The following COL16A1 variants were observed in gnomAD, a reference collection of about 807,000 sequenced individuals.
The protein encoded by COL16A1 is collagen alpha-1(XVI) chain.
A neutral mutation model predicts 266.3 loss-of-function variants in COL16A1; 189 were observed. The ratio of observed to expected loss-of-function variants is 0.71; its 90% CI spans 0.63 to 0.80. The LOEUF is 0.80. Ranked by LOEUF, COL16A1 falls within the 30% of genes least tolerant of loss-of-function variation. COL16A1 has a pLI of 0.00. For synonymous variants in COL16A1, 740 were observed against 782.3 expected, an observed-to-expected ratio of 0.95 and a Z score of 0.90; for missense variants, 1,928 against 2,122.4, an observed-to-expected ratio of 0.91 and a Z score of 1.80.
chr1:31,657,968 A>C lies in COL16A1; in HGVS notation c.4020+520T>G, dbSNP rs1479638811. ...CCGTTTCCTCATCTGTAAAATGGGG[A>C]CAATCAGATCCACTAAATGGGGCTG... On this transcript the variant is annotated intron_variant, in intron 64 of 70. Coordinates refer to ENST00000373672, the MANE Select transcript of COL16A1 (RefSeq NM_001856.4). This position sits in a 1 kb window ranked among gnomAD's most constrained non-coding sequence, Gnocchi z 6.4. Among the ~76,000 whole-genome samples, 3 of 152,160 alleles carry C rather than the reference A, an allele frequency of 2.0e-5. No homozygotes were observed. The highest frequency in any genetic ancestry group is 4.4e-5 in the Non-Finnish European group (3 of 68,028).
In COL16A1 at chr1:31,664,172, A is replaced by C. The variant is rs1272194787; in HGVS notation, c.3555+1000T>G. Among the ~76,000 whole-genome samples the C allele has an allele frequency of 2.5e-5, 3 of 119,010 alleles. No homozygotes were observed. Among genetic ancestry groups the C allele is most frequent in the South Asian group, 3.0e-4 (1 of 3,296 alleles). The allele number at this position is 119,010 out of a possible 152,430, so 78.1% of individuals were successfully genotyped here. A position where few individuals can be genotyped will look rare whatever the true frequency, so the allele number is the denominator to read the frequency against. On this transcript the variant is annotated intron_variant, in intron 56 of 70. Coordinates refer to ENST00000373672, the MANE Select transcript of COL16A1 (RefSeq NM_001856.4). This position sits in a 1 kb window ranked among gnomAD's most constrained non-coding sequence, Gnocchi z 5.5. ...GGGAGGGGAAGGAAGGGGAAGGGGAAGGGGAAGGGGAAGGGGAAGGGGAAG... is the reference window on the plus strand; with the variant it reads ...GGGAGGGGAAGGAAGGGGAAGGGGACGGGGAAGGGGAAGGGGAAGGGGAAG...
At chr1:31,690,600 G>A in intron 20 of COL16A1, 27 bp from the exon 21 acceptor site, 1 of 1,611,834 alleles carries the variant, frequency 6.2e-7, no homozygotes, top group Non-Finnish European at 8.5e-7. Flanking sequence ...GGATAAGCGG[G>A]GAGCCTTCTG....
At position 31,675,045 on chromosome 1, in the gene COL16A1, A is replaced by AG; in HGVS notation, c.2827-7dup. Reference sequence around the variant, plus strand: ...TGTTCAATTGGTAAGGATCCCTGCAAGAGACAGATGTGTGGGCTCAAGCAG... The same window carrying AG: ...TGTTCAATTGGTAAGGATCCCTGCAAGGAGACAGATGTGTGGGCTCAAGCAG... On this transcript the variant is annotated splice_region_variant and splice_polypyrimidine_tract_variant and intron_variant, in intron 43 of 70. Coordinates refer to ENST00000373672, the MANE Select transcript of COL16A1 (RefSeq NM_001856.4). The AG allele has an allele frequency of 1.2e-6, 2 of 1,613,292 alleles. No homozygotes were observed. The highest frequency in any genetic ancestry group is 8.5e-7 in the Non-Finnish European group (1 of 1,179,632).
intron 51 of COL16A1, 74 bp from the exon 52 acceptor site, chr1:31,667,702 A>G (rs1291204459): frequency 2.1e-6 from 3 of 1,399,410 alleles, no homozygotes; most frequent in East Asian, 4.9e-5. Context: ...CGAGGAGCGG[A>G]GACTGCAGCT....
At position 31,662,629 on chromosome 1, in the gene COL16A1, G is replaced by A; in HGVS notation, c.3585C>T (p.Gly1195=). The A allele has an allele frequency of 6.4e-7, 1 of 1,556,402 alleles. No homozygotes were observed. The highest frequency in any genetic ancestry group is 8.7e-7 in the Non-Finnish European group (1 of 1,151,026). Residue 1195 remains glycine, a synonymous_variant, in exon 57 of 71, where the codon GGC becomes GGT. Transcript: ENST00000373672. ...KGSEGIRGPS[G]LPGSPGPPGP... is the part of the protein sequence containing the mutation. The stretch of plus-strand genomic sequence containing the variant: ...CCGGTGGCCCAGGGGAGCCAGGCAG[G>A]CCTGATGGGCCTCGAATCCCTTCGC...
rs762190190 is a variant in COL16A1, at chr1:31,654,028, T to C, written c.4373A>G (p.Tyr1458Cys). The C allele has an allele frequency of 3.1e-6, 5 of 1,613,692 alleles. No individual in the cohort carries two copies. Among genetic ancestry groups the C allele is most frequent in the East Asian group, 2.2e-5 (1 of 44,872 alleles). ...CATGGGGAACTGCATCCTGGAGGTGTAGTAAGCCATTCTCTCTGTAAAAAA... is the reference window on the plus strand; with the variant it reads ...CATGGGGAACTGCATCCTGGAGGTGCAGTAAGCCATTCTCTCTGTAAAAAA... ...IKMFDERMAY[Y>C]TSRMQFPMEM... is the part of the protein sequence containing the mutation. Residue 1458 changes from tyrosine to cysteine, a missense_variant, in exon 69 of 71, where the codon TAC (tyrosine) becomes TGC (cysteine). Tyr to Cys is a radical substitution (Grantham distance 194, BLOSUM62 -2). Coordinates refer to ENST00000373672, the MANE Select transcript of COL16A1 (RefSeq NM_001856.4).
At chr1:31,692,955 T>C (rs746105476) in intron 13 of COL16A1, 137 bp downstream of exon 13, 1 of 959,450 alleles carries the variant, frequency 1.0e-6, no homozygotes, top group Non-Finnish European at 1.6e-6. Flanking sequence ...AGAAAGACCC[T>C]GGCCCTCACC....
intron 2 of COL16A1, chr1:31,701,241 G>T: frequency 3.3e-6 from 3 of 909,106 alleles, no homozygotes; most frequent in Non-Finnish European, 3.9e-6. Flanking sequence ...TCACCCCTTG[G>T]CAATGGGCCC....
Position 31,685,625 on chromosome 1 carries a change from A to G in COL16A1, c.2016+14T>C. 2 of 1,612,486 alleles carry G rather than the reference A, an allele frequency of 1.2e-6. No individual in the cohort carries two copies. Among genetic ancestry groups the G allele is most frequent in the Non-Finnish European group, 1.7e-6 (2 of 1,179,418 alleles). Reference sequence around the variant, plus strand: ...ATCCCCCGTCCAGAGGCCCCTGCCTATATCCCACCTCACCTGTTTTCCTGG... The same window carrying G: ...ATCCCCCGTCCAGAGGCCCCTGCCTGTATCCCACCTCACCTGTTTTCCTGG... On this transcript the variant is annotated intron_variant, in intron 29 of 70. Transcript: ENST00000373672. This position sits in a 1 kb window ranked among gnomAD's most constrained non-coding sequence, Gnocchi z 4.0.
rs758877470 is a variant in COL16A1 at position 31,657,053 on chromosome 1, C to G, written c.4036G>C (p.Asp1346His). ...TGTACCTCTTTGCCAGCTGCACCAT[C>G]CGTACCAGGTTCGCCCTGGGGAGTA... is the stretch of plus-strand genomic sequence containing the variant. ...HPGPPGEPGT[D>H]GAAGKEGPPG... Residue 1346 changes from aspartate to histidine, a missense_variant, in exon 65 of 71, where the codon GAT (aspartate) becomes CAT (histidine). By Grantham distance (81) the Asp-to-His change is moderately conservative. This residue lies in a region of COL16A1 where 376 missense variants were observed against 485.2 expected (regional missense o/e 0.77). Transcript: ENST00000373672. The surrounding 1 kb of genome is among the most constrained non-coding windows in gnomAD (Gnocchi z 6.4). The G allele has an allele frequency of 2.5e-6, 4 of 1,614,036 alleles. No individual in the cohort carries two copies. In the South Asian group the frequency reaches 4.4e-5, roughly 18 times the overall value.
rs758259846 is a variant in COL16A1 at position 31,665,191 on chromosome 1, G to A, written c.3536C>T (p.Pro1179Leu). 1 of 1,603,362 alleles carries A rather than the reference G, an allele frequency of 6.2e-7. No individual in the cohort carries two copies. The highest frequency in any genetic ancestry group is 8.5e-7 in the Non-Finnish European group (1 of 1,177,094). The change falls in exon 56 of 71, where the codon CCT becomes CTT. Residue 1179 changes from proline (P) to leucine (L), a missense_variant. Pro to Leu is a moderately conservative substitution (Grantham distance 98). This residue lies in a region of COL16A1 where 1,552 missense variants were observed against 1,637.2 expected (regional missense o/e 0.95). Coordinates refer to ENST00000373672, the MANE Select transcript of COL16A1 (RefSeq NM_001856.4). ...GCTCACCTTCTCTGCTTGAGGGCCA[G>A]GTGGGCCAGGTGATCCAACTTTGCC... is the stretch of plus-strand genomic sequence containing the variant. ...FPGKVGSPGP[P>L]GPQAEKGSEG...
At chr1:31,694,346 C>A (rs1266682028) in intron 11 of COL16A1, among the ~76,000 whole-genome samples, 176 bp from the exon 12 acceptor site, 1 of 152,250 alleles carries the variant, frequency 6.6e-6, no homozygotes, top group Non-Finnish European at 1.5e-5. Flanking sequence ...TTTCCTCAGC[C>A]TGTAACATTT....
Position 31,702,141 on chromosome 1 carries a change from A to T in COL16A1, c.53T>A (p.Phe18Tyr). The change falls in exon 2 of 71, where the codon TTC becomes TAC. Residue 18 changes from phenylalanine (F) to tyrosine (Y), a missense_variant. Coordinates refer to ENST00000373672, the MANE Select transcript of COL16A1 (RefSeq NM_001856.4). ...GLWLLGLWAT[F>Y]GHGANTGAQC... ...CTCACCTGTATTTGCCCCATGGCCG[A>T]AGGTAGCCCAAAGACCGAGCAGCCA... 1 of 1,614,148 alleles carries T rather than the reference A, an allele frequency of 6.2e-7. No homozygotes were observed. Among genetic ancestry groups the T allele is most frequent in the Non-Finnish European group, 8.5e-7 (1 of 1,179,988 alleles).
chr1:31,667,398 G>A (rs539597880), intron 52 of COL16A1, among the ~76,000 whole-genome samples, 177 bp downstream of exon 52: 6 of 152,224 alleles, frequency 3.9e-5, no homozygotes, highest in Admixed American at 6.5e-5. Context: ...GCAGCCCTGC[G>A]GGGATTCTCC....
chr1:31,690,080 C>T lies in COL16A1; in HGVS notation c.1510-229G>A, dbSNP rs190330126. ...TACATCCTCGCCGTAAGCCTTAAAACATGACTGTGCCCCACTGACAGACAT... is the reference window on the plus strand; with the variant it reads ...TACATCCTCGCCGTAAGCCTTAAAATATGACTGTGCCCCACTGACAGACAT... On this transcript the variant is annotated intron_variant, in intron 22 of 70. Coordinates refer to ENST00000373672, the MANE Select transcript of COL16A1 (RefSeq NM_001856.4). The T allele has an allele frequency of 4.4e-3, 2,732 of 622,280 alleles. 6 individuals carry two copies. The highest frequency in any genetic ancestry group is 5.8e-3 in the Non-Finnish European group (2,077 of 357,730). 38.5% of individuals were successfully genotyped at this position (622,280 alleles called of 1,614,324 possible).
intron 52 of COL16A1, 92 bp from the exon 53 acceptor site, chr1:31,666,173 G>T (rs752440424): frequency 1.5e-6 from 2 of 1,361,402 alleles, no homozygotes; most frequent in Non-Finnish European, 2.0e-6. Context: ...CAGAACAGAG[G>T]TGGCATGTGC....
chr1:31,675,349 C>T, intron 42 of COL16A1, 38 bp from the exon 43 acceptor site: 1 of 1,606,756 alleles, frequency 6.2e-7, no homozygotes, highest in Non-Finnish European at 8.5e-7. Context: ...TGGGCTCCAT[C>T]TCTCTAGCCT....
Position 31,655,350 on chromosome 1 carries a change from CG to C in COL16A1, c.4253del (p.Ser1418TrpfsTer17), listed in dbSNP as rs1557602922. ...ERGHPGAPGPSGSPGLPGVPG... is the reference protein window; with the variant it reads ...ERGHPGAPGPXGSPGLPGVPG... ...GCACACCAGGCAAGCCAGGGCTCCC[CG>C]AAGGCCCCGGAGCTCCAGGGTGGCC... On this transcript the variant is annotated frameshift_variant, in exon 67 of 71. Coordinates refer to ENST00000373672, the MANE Select transcript of COL16A1 (RefSeq NM_001856.4). LOFTEE classifies it high-confidence loss of function. 1 of 1,612,914 alleles carries C rather than the reference CG, an allele frequency of 6.2e-7. No individual in the cohort carries two copies. The highest frequency in any genetic ancestry group is 1.1e-5 in the South Asian group (1 of 90,888).
chr1:31,702,310 T>C, intron 1 of COL16A1, 83 bp from the exon 2 acceptor site: 6 of 1,430,584 alleles, frequency 4.2e-6, no homozygotes, highest in Non-Finnish European at 9.6e-7. Flanking sequence ...GGACAGCCTG[T>C]GGGGCCCAGG....
Sources: allele counts gnomAD v4.1 joint callset (sites outside exome capture counted in the v4.1 genomes callset), GRCh38; gene constraint gnomAD v4.1.1; regional missense constraint gnomAD v4.1.1; non-coding constraint Gnocchi (gnomAD v3.1); transcripts MANE v1.5; gene names NCBI Gene and HGNC (gene_info 2026-07-23, HGNC 2026-07-21).